Variants in EMSY observed in about 807,000 individuals in gnomAD.
EMSY encodes BRCA2-interacting transcriptional repressor EMSY.
In EMSY, 26 loss-of-function variants were observed where a neutral mutation model predicts 134.6. The observed-to-expected ratio is 0.19, with a 90% CI of 0.14 to 0.27. The LOEUF (loss-of-function observed/expected upper bound fraction) is 0.27, where lower values mean the gene tolerates loss of function less well. Among genes scored for constraint, EMSY ranks in the 10% least tolerant of loss-of-function variants. The pLI, the probability that EMSY is intolerant of heterozygous loss-of-function variation, is 1.00. For missense variants in EMSY, 1,305 were observed against 1,611.4 expected (o/e 0.81, Z 3.26); for synonymous variants, 579 against 577.8 (o/e 1.00, Z -0.03).
chr11:76,455,598 T>C (rs1947839907), intron 4 of EMSY, among the ~76,000 whole-genome samples: 1 of 151,450 alleles, frequency 6.6e-6, no homozygotes, highest in African/African-American at 2.4e-5. Context: ...TGAAGGAATG[T>C]GGTTGAAAGG....
At chr11:76,549,354 A>G (rs1169999219) in intron 20 of EMSY, among the ~76,000 whole-genome samples, 1 of 152,168 alleles carries the variant, frequency 6.6e-6, no homozygotes, top group Non-Finnish European at 1.5e-5. Context: ...ACATGAACTG[A>G]TAAACCTTTT....
chr11:76,473,299 T>A (rs1288973979), intron 8 of EMSY, among the ~76,000 whole-genome samples: 2 of 151,998 alleles, frequency 1.3e-5, no homozygotes, highest in Non-Finnish European at 2.9e-5. Flanking sequence ...CTCCTACATT[T>A]TTCTTTTCTT....
chr11:76,543,668 G>T lies in EMSY; in HGVS notation c.2710-591G>T, dbSNP rs546908559. Among the ~76,000 whole-genome samples, 3 of 152,318 alleles carry T rather than the reference G, an allele frequency of 2.0e-5. No homozygotes were observed. In the South Asian group the frequency reaches 6.2e-4, roughly 32 times the overall value. On this transcript the variant is annotated intron_variant, in intron 18 of 20. Transcript: ENST00000334736. ...GTCTCCTTCCGTCCTGGGAGCCAGG[G>T]CTCTGGGATCTGAGCAAAGGGGCGA...
intron 8 of EMSY, among the ~76,000 whole-genome samples, chr11:76,490,109 TTTTA>T (rs1179245487): frequency 6.6e-6 from 1 of 152,164 alleles, no homozygotes; most frequent in African/African-American, 2.4e-5. Flanking sequence ...TGACAATTGT[TTTTA>T]TTTGTCTCAT....
At chr11:76,460,401 C>CT (rs2135077359) in intron 6 of EMSY, 1 of 200,758 alleles carries the variant, frequency 5.0e-6, no homozygotes, top group South Asian at 1.5e-4. Flanking sequence ...AAGGAATGTG[C>CT]TTATGTAATT....
At chr11:76,550,200 GA>G (rs1452661588) in exon 21 of EMSY, 25 of 1,415,598 alleles carry the variant, frequency 1.8e-5, no homozygotes, top group Non-Finnish European at 2.2e-5. Context: ...AGTGTCCAGG[GA>G]AACCCTTGTA....
At chr11:76,539,388 TA>T (rs1951347476) in intron 16 of EMSY, among the ~76,000 whole-genome samples, 1 of 152,158 alleles carries the variant, frequency 6.6e-6, no homozygotes, top group South Asian at 2.1e-4. Flanking sequence ...ATAATATTAT[TA>T]AGACTAATGG....
chr11:76,552,972 C>G (rs1951870793), downstream of EMSY: 1 of 152,166 alleles, frequency 6.6e-6, no homozygotes, highest in Non-Finnish European at 1.5e-5. Flanking sequence ...TGTGTCAGTA[C>G]TACATTTCTT....
At chr11:76,493,241 G>GCCCCCA (rs1412382624) in intron 8 of EMSY, among the ~76,000 whole-genome samples, 1 of 152,152 alleles carries the variant, frequency 6.6e-6, no homozygotes, top group Non-Finnish European at 1.5e-5. Flanking sequence ...CGCCTGAACC[G>GCCCCCA]CCCCCACCCC....
chr11:76,516,098 G>A (rs761343728), intron 10 of EMSY, 44 bp from the exon 12 acceptor site: 1 of 1,503,138 alleles, frequency 6.7e-7, no homozygotes, highest in East Asian at 2.3e-5. Context: ...TCATTCTTCT[G>A]TAAGCAATGA....
At chr11:76,458,323 C>T in exon 5 of EMSY, 4 of 1,613,626 alleles carry the variant, frequency 2.5e-6, no homozygotes, top group Non-Finnish European at 3.4e-6. Context: ...CATAATGCAT[C>T]TCTTCCAGTG....
At chr11:76,540,877 G>T (rs1951413923) in intron 17 of EMSY, among the ~76,000 whole-genome samples, 1 of 152,140 alleles carries the variant, frequency 6.6e-6, no homozygotes, top group Non-Finnish European at 1.5e-5. Context: ...TAATTCAAAG[G>T]GTTAGTTTCC....
rs574109449 is a variant in EMSY at position 76,500,387 on chromosome 11, A to G, written c.1363+3918A>G. ...CCAGAGCATGGAGAAGTTCAAGACTAAGGGCATTCTCAAGAACAGTGAAGG... is the reference window on the plus strand; with the variant it reads ...CCAGAGCATGGAGAAGTTCAAGACTGAGGGCATTCTCAAGAACAGTGAAGG... On this transcript the variant is annotated intron_variant, in intron 9 of 20. Transcript: ENST00000334736. 3.9e-5 allele frequency among the ~76,000 whole-genome samples: 6 copies of G among 152,314 alleles called. No homozygotes were observed. The South Asian group carries it at 1.2e-3, about 32-fold the overall frequency.
intron 8 of EMSY, among the ~76,000 whole-genome samples, chr11:76,482,218 A>G (rs552915665): frequency 2.3e-4 from 35 of 152,328 alleles, no homozygotes; most frequent in African/African-American, 8.4e-4. Context: ...AGCAAAAAGG[A>G]TGTCCACACA....
chr11:76,529,024 T>TCCTA, intron 14 of EMSY, among the ~76,000 whole-genome samples: 1 of 152,284 alleles, frequency 6.6e-6, no homozygotes, highest in Middle Eastern at 3.4e-3. Context: ...TTGTCCTAAT[T>TCCTA]ATATGGAAGG....
In EMSY at chr11:76,468,341, CAAATT is replaced by C. The variant is rs149536965; in HGVS notation, c.832-4214_832-4210del. On this transcript the variant is annotated intron_variant, in intron 7 of 20. Coordinates refer to ENST00000334736, the Ensembl canonical transcript of EMSY. Reference sequence around the variant, plus strand: ...GGTTAAAAAAAACAAATGTTTAAAACAAATTAAATTAAAAATAAGACTCATTCATT... The same window carrying C: ...GGTTAAAAAAAACAAATGTTTAAAACAAATTAAAAATAAGACTCATTCATT... 4.3e-3 allele frequency among the ~76,000 whole-genome samples: 657 copies of C among 152,168 alleles called. 5 individuals carry two copies. Among genetic ancestry groups the C allele is most frequent in the African/African-American group, 0.015 (621 of 41,524 alleles).
intron 8 of EMSY, among the ~76,000 whole-genome samples, chr11:76,487,280 A>T (rs1317087905): frequency 1.3e-5 from 2 of 152,250 alleles, no homozygotes; most frequent in African/African-American, 4.8e-5. Context: ...CTGGTCTCTC[A>T]TCTGCTTCTG....
At chr11:76,539,526 T>TG in intron 16 of EMSY, 73 bp from the exon 18 acceptor site, 1 of 1,468,772 alleles carries the variant, frequency 6.8e-7, no homozygotes, top group Admixed American at 1.7e-5. Flanking sequence ...AAATAACCTC[T>TG]GGGGGTAGAC....
At chr11:76,484,201 T>C (rs866421766) in intron 8 of EMSY, among the ~76,000 whole-genome samples, 4 of 152,226 alleles carry the variant, frequency 2.6e-5, no homozygotes, top group Middle Eastern at 3.4e-3. Context: ...TTGAAACCAA[T>C]GAGAACAAAG....
Sources: allele counts gnomAD v4.1 joint callset (sites outside exome capture counted in the v4.1 genomes callset), GRCh38; gene constraint gnomAD v4.1.1; transcripts MANE v1.5; gene names NCBI Gene and HGNC (gene_info 2026-07-23, HGNC 2026-07-21).